Variants in RYR2 observed in about 807,000 individuals in gnomAD.
RYR2 encodes cardiac muscle ryanodine receptor-calcium release channel.
In RYR2, 227 loss-of-function variants were observed where a neutral mutation model predicts 601.1. That is an observed-to-expected ratio of 0.38 (90% CI 0.34 to 0.42). The LOEUF (loss-of-function observed/expected upper bound fraction) is 0.42, where lower values mean the gene tolerates loss of function less well. Among genes scored for constraint, RYR2 ranks in the 10% least tolerant of loss-of-function variants. The probability of loss-of-function intolerance (pLI) is 1.00; values close to 1 mark genes in which losing one functional copy is unlikely to be tolerated. For synonymous variants in RYR2, 2,223 were observed against 2,175.1 expected (o/e 1.02, Z -0.61); for missense variants, 4,646 against 6,156.5 (o/e 0.75, Z 8.21).
intron 1 of RYR2, among the ~76,000 whole-genome samples, chr1:237,063,324 A>G (rs1238744053): frequency 6.6e-6 from 1 of 152,040 alleles, no homozygotes; most frequent in Non-Finnish European, 1.5e-5. Context: ...TTGAACTATG[A>G]TATTTATTTT....
At position 237,042,430 on chromosome 1, in the gene RYR2, G is replaced by C. The variant is rs980106237; in HGVS notation, c.-92G>C. ...CGGCCCCCTCCAGCCCCCGGCTCCC[G>C]GCAGCAGAAGCAGAAGGCAGCGCCA... On this transcript the variant is annotated 5_prime_UTR_variant, in exon 1 of 105. Transcript: ENST00000366574. The C allele has an allele frequency of 1.7e-6, 2 of 1,173,062 alleles. No individual in the cohort carries two copies. Among genetic ancestry groups the C allele is most frequent in the African/African-American group, 1.6e-5 (1 of 62,340 alleles). 72.7% of individuals were successfully genotyped at this position (1,173,062 alleles called of 1,614,324 possible). A position where few individuals can be genotyped will look rare whatever the true frequency, so the allele number is the denominator to read the frequency against.
chr1:237,727,064 T>G (rs1162363030), intron 75 of RYR2, 23 bp from the exon 76 acceptor site: 1 of 1,177,670 alleles, frequency 8.5e-7, no homozygotes, highest in African/African-American at 1.5e-5. Flanking sequence ...GTGTAAATAT[T>G]TATTTGTGTC....
At position 237,660,812 on chromosome 1, in the gene RYR2, A is replaced by G; in HGVS notation, c.8301A>G (p.Glu2767=). The G allele has an allele frequency of 6.5e-7, 1 of 1,541,056 alleles. No individual in the cohort carries two copies. Among genetic ancestry groups the G allele is most frequent in the African/African-American group, 1.4e-5 (1 of 72,782 alleles). Residue 2767 remains glutamate (E), a splice_region_variant and synonymous_variant, in exon 56 of 105, where the codon GAA becomes GAG. Transcript: ENST00000366574. Reference sequence around the variant, plus strand: ...GTTTCTTGTTTTTTCTTCTCTAGGAAAAAGAAATTTATCGCTGGCCAATCA... The same window carrying G: ...GTTTCTTGTTTTTTCTTCTCTAGGAGAAAGAAATTTATCGCTGGCCAATCA... ...MKPYKLLSEK[E]KEIYRWPIKE...
chr1:237,657,821 AGTC>A (rs757650319), intron 53 of RYR2, 120 bp from the exon 54 acceptor site: 5 of 538,956 alleles, frequency 9.3e-6, no homozygotes, highest in East Asian at 7.1e-5. Context: ...TAAAAAAAGA[AGTC>A]GTGTTTAACA....
rs1282994948 is a variant in RYR2, at chr1:237,404,221, C to CT, written c.774-12827dup. Among the ~76,000 whole-genome samples the CT allele has an allele frequency of 4.6e-5, 7 of 152,286 alleles. No individual in the cohort carries two copies. In the East Asian group the frequency reaches 1.2e-3, roughly 25 times the overall value. Reference sequence around the variant, plus strand: ...GTGAGCTGTGATTGCAACACTGCTACTGCACTCCAGCTGTGGTGACAGAGG... The same window carrying CT: ...GTGAGCTGTGATTGCAACACTGCTACTTGCACTCCAGCTGTGGTGACAGAGG... On this transcript the variant is annotated intron_variant, in intron 10 of 104. Transcript: ENST00000366574.
At chr1:237,192,966 C>T (rs1484928917) in intron 1 of RYR2, among the ~76,000 whole-genome samples, 1 of 151,834 alleles carries the variant, frequency 6.6e-6, no homozygotes, top group Non-Finnish European at 1.5e-5. Flanking sequence ...ATCCCAAATC[C>T]GTGGGCAAGG....
chr1:237,289,012 G>C (rs1208209527), intron 2 of RYR2, among the ~76,000 whole-genome samples: 1 of 152,168 alleles, frequency 6.6e-6, no homozygotes, highest in South Asian at 2.1e-4. Context: ...ATGTTGCTCA[G>C]CTCTCCAAAT....
Position 237,445,609 on chromosome 1 carries a change from T to C in RYR2, c.1292+87T>C, listed in dbSNP as rs1708260373. 1.1e-5 allele frequency: 17 copies of C among 1,513,396 alleles called. No homozygotes were observed. In the South Asian group the frequency reaches 2.0e-4, roughly 18 times the overall value. 93.7% of individuals were successfully genotyped at this position (1,513,396 alleles called of 1,614,324 possible). A position where few individuals can be genotyped will look rare whatever the true frequency, so the allele number is the denominator to read the frequency against. On this transcript the variant is annotated intron_variant, in intron 14 of 104. Transcript: ENST00000366574. Reference sequence around the variant, plus strand: ...GCAAATAGACAATTTAAAAGTATGCTATGATGGTAATAAATCTCATACTGT... The same window carrying C: ...GCAAATAGACAATTTAAAAGTATGCCATGATGGTAATAAATCTCATACTGT...
chr1:237,179,143 A>C (rs572986739), intron 1 of RYR2, among the ~76,000 whole-genome samples: 4 of 152,186 alleles, frequency 2.6e-5, no homozygotes, highest in Non-Finnish European at 4.4e-5. Flanking sequence ...TTGAGTAGCA[A>C]ATTTTATCTC....
At chr1:237,324,440 A>G (rs1235621675) in intron 2 of RYR2, among the ~76,000 whole-genome samples, 1 of 152,062 alleles carries the variant, frequency 6.6e-6, no homozygotes, top group Admixed American at 6.5e-5. Context: ...GCAAAAACAA[A>G]CCTGCCTCAA....
chr1:237,376,807 G>A (rs532023980), intron 7 of RYR2, among the ~76,000 whole-genome samples: 1 of 152,246 alleles, frequency 6.6e-6, no homozygotes, highest in South Asian at 2.1e-4. Context: ...AAATAATAAA[G>A]TAGAAAGGGG....
chr1:237,631,830 G>C (rs777035251), intron 42 of RYR2, among the ~76,000 whole-genome samples: 19 of 150,508 alleles, frequency 1.3e-4, no homozygotes, highest in African/African-American at 4.2e-4. Context: ...GGGTTTCACT[G>C]TGTTAGCCAG....
intron 80 of RYR2, among the ~76,000 whole-genome samples, chr1:237,744,875 C>A (rs11580320): frequency 0.027 from 4,044 of 150,150 alleles, 87 homozygotes; most frequent in Admixed American, 0.053. Context: ...CAGCTCACTG[C>A]AATCTCCACC....
At chr1:237,154,501 T>C (rs970787685) in intron 1 of RYR2, among the ~76,000 whole-genome samples, 1 of 152,192 alleles carries the variant, frequency 6.6e-6, no homozygotes, top group Admixed American at 6.5e-5. Flanking sequence ...CAAACCTGCT[T>C]ACCTAGCTTT....
chr1:237,358,349 C>T (rs1015583090), intron 4 of RYR2, among the ~76,000 whole-genome samples: 12 of 152,050 alleles, frequency 7.9e-5, no homozygotes, highest in South Asian at 2.1e-4. Context: ...CTTGCCCCGC[C>T]GGGTTCCTCA....
intron 1 of RYR2, among the ~76,000 whole-genome samples, chr1:237,162,654 T>G (rs2148867612): frequency 6.6e-6 from 1 of 152,250 alleles, no homozygotes; most frequent in East Asian, 1.9e-4. Flanking sequence ...AGAATATACC[T>G]CAAAATACAT....
intron 2 of RYR2, among the ~76,000 whole-genome samples, chr1:237,292,758 C>A (rs1275919787): frequency 2.0e-5 from 3 of 152,062 alleles, no homozygotes; most frequent in African/African-American, 7.2e-5. Context: ...GTTGTTGTAA[C>A]CCAAAGTTTG....
At chr1:237,303,761 C>G (rs2149462992) in intron 2 of RYR2, among the ~76,000 whole-genome samples, 1 of 152,284 alleles carries the variant, frequency 6.6e-6, no homozygotes. Flanking sequence ...GAGGTTTTCT[C>G]TAGTTGTTTA....
intron 53 of RYR2, 104 bp downstream of exon 53, chr1:237,656,088 T>A (rs2148824089): frequency 1.0e-6 from 1 of 959,074 alleles, no homozygotes; most frequent in African/African-American, 1.7e-5. Context: ...ATGCCCCCTT[T>A]GAATTGGTAT....
Sources: allele counts gnomAD v4.1 joint callset (sites outside exome capture counted in the v4.1 genomes callset), GRCh38; gene constraint gnomAD v4.1.1; transcripts MANE v1.5; gene names NCBI Gene and HGNC (gene_info 2026-07-23, HGNC 2026-07-21).